Variants in PCDHGB3 observed in about 807,000 individuals in gnomAD.
PCDHGB3 encodes protocadherin gamma-B3.
Under a neutral mutation model 59.2 loss-of-function variants are expected in PCDHGB3, and 40 were observed. The ratio of observed to expected loss-of-function variants is 0.68; its 90% CI spans 0.52 to 0.88. The LOEUF is 0.88. Ranked by LOEUF, PCDHGB3 falls within the 40% of genes least tolerant of loss-of-function variation. The pLI, the probability that PCDHGB3 is intolerant of heterozygous loss-of-function variation, is 0.00. For missense variants in PCDHGB3, 1,309 were observed against 1,187.9 expected (o/e 1.10, Z -1.50); for synonymous variants, 581 against 503.6 (o/e 1.15, Z -2.06).
chr5:141,508,799 C>T (rs962590711), intron 3 of PCDHGB3, among the ~76,000 whole-genome samples: 1 of 152,110 alleles, frequency 6.6e-6, no homozygotes, highest in Non-Finnish European at 1.5e-5. Context: ...ACTCTGGAAT[C>T]CTGGCTCTTT....
At chr5:141,394,376 C>G (rs1407081878) in intron 1 of PCDHGB3, 29 of 1,614,222 alleles carry the variant, frequency 1.8e-5, no homozygotes, top group Non-Finnish European at 2.5e-5. Flanking sequence ...AATCTTTCGA[C>G]TATGAGCAGA....
chr5:141,458,059 T>G (rs533147047), intron 1 of PCDHGB3, among the ~76,000 whole-genome samples: 39 of 152,358 alleles, frequency 2.6e-4, no homozygotes, highest in African/African-American at 8.9e-4. Context: ...CTTGCTGCAC[T>G]GATGCGAACA....
At chr5:141,394,327 T>C (rs747533347) in intron 1 of PCDHGB3, 1 of 1,613,944 alleles carries the variant, frequency 6.2e-7, no homozygotes. Context: ...TCCTCGTATA[T>C]CTCCATCAAC....
At chr5:141,376,521 C>T (rs567480751) in intron 1 of PCDHGB3, 5 of 1,613,810 alleles carry the variant, frequency 3.1e-6, no homozygotes, top group East Asian at 4.5e-5. Context: ...AGTTTCTTTC[C>T]GCCTAAGCGG....
rs372168887 is a variant in PCDHGB3, at chr5:141,477,322, C to T, written c.2416-17485C>T. On this transcript the variant is annotated intron_variant, in intron 1 of 3. Transcript: ENST00000576222. The surrounding 1 kb of genome is among the most constrained non-coding windows in gnomAD (Gnocchi z 4.9). The stretch of plus-strand genomic sequence containing the variant: ...GTCTCCCTTTCAGCCTTACTTCTTC[C>T]CTCAAGAATTACTTCACTTTGAAAA... 17 of 1,614,050 alleles carry T rather than the reference C, an allele frequency of 1.1e-5. No homozygotes were observed. In the African/African-American group the frequency reaches 1.5e-4, roughly 14 times the overall value.
At chr5:141,408,896 G>A (rs1441378199) in intron 1 of PCDHGB3, 5 of 1,613,328 alleles carry the variant, frequency 3.1e-6, no homozygotes, top group East Asian at 2.2e-5. Flanking sequence ...AGAAATTTCT[G>A]TCAAGGATAC....
rs767521224 is a variant in PCDHGB3 at position 141,431,148 on chromosome 5, C to T, written c.2415+58339C>T. 3.7e-6 allele frequency: 6 copies of T among 1,614,146 alleles called. No homozygotes were observed. Among genetic ancestry groups the T allele is most frequent in the Admixed American group, 1.7e-5 (1 of 60,030 alleles). On this transcript the variant is annotated intron_variant, in intron 1 of 3. Coordinates refer to ENST00000576222, the MANE Select transcript of PCDHGB3 (RefSeq NM_018924.5). The surrounding 1 kb of genome is among the most constrained non-coding windows in gnomAD (Gnocchi z 4.8). Reference sequence around the variant, plus strand: ...GAAGTAAGGGACATTAACGACAATGCGCCTTACTTTCGTGAAAGTGAATTA... The same window carrying T: ...GAAGTAAGGGACATTAACGACAATGTGCCTTACTTTCGTGAAAGTGAATTA...
intron 1 of PCDHGB3, chr5:141,375,919 C>T: frequency 1.2e-6 from 2 of 1,613,730 alleles, no homozygotes; most frequent in East Asian, 2.2e-5. Context: ...TCAAGGCCAG[C>T]GAGCCAGGAC....
chr5:141,427,887 C>G, intron 1 of PCDHGB3: 1 of 1,565,908 alleles, frequency 6.4e-7, no homozygotes, highest in South Asian at 1.1e-5. Flanking sequence ...GGCCCACGAC[C>G]AGGGCTCGCC....
chr5:141,485,338 T>C lies in PCDHGB3; in HGVS notation c.2416-9469T>C, dbSNP rs1259658641. The stretch of plus-strand genomic sequence containing the variant: ...ATGTCGCTCAAGATTTCCTGCTGGA[T>C]ACGGACAGTCTGTCAGCTCGCAGGC... On this transcript the variant is annotated intron_variant, in intron 1 of 3. Coordinates refer to ENST00000576222, the MANE Select transcript of PCDHGB3 (RefSeq NM_018924.5). The surrounding 1 kb of genome is among the most constrained non-coding windows in gnomAD (Gnocchi z 5.7). 1 of 1,614,140 alleles carries C rather than the reference T, an allele frequency of 6.2e-7. No individual in the cohort carries two copies. Among genetic ancestry groups the C allele is most frequent in the Non-Finnish European group, 8.5e-7 (1 of 1,180,006 alleles).
At chr5:141,414,520 A>G in intron 1 of PCDHGB3, 1 of 1,613,990 alleles carries the variant, frequency 6.2e-7, no homozygotes, top group Non-Finnish European at 8.5e-7. Flanking sequence ...AGTGGCAGAT[A>G]TCAATGACAA....
At chr5:141,393,800 GA>G (rs1403705962) in intron 1 of PCDHGB3, 2 of 1,613,842 alleles carry the variant, frequency 1.2e-6, no homozygotes, top group Non-Finnish European at 1.7e-6. Flanking sequence ...CACTTCTGGG[GA>G]GGACCAAATT....
intron 1 of PCDHGB3, chr5:141,402,902 G>GA: frequency 6.6e-7 from 1 of 1,522,022 alleles, no homozygotes; most frequent in Non-Finnish European, 8.8e-7. Flanking sequence ...AGAACCTGAT[G>GA]AAGCAGCGCG....
intron 1 of PCDHGB3, chr5:141,394,707 C>T (rs1325466311): frequency 1.2e-6 from 2 of 1,613,272 alleles, no homozygotes; most frequent in Non-Finnish European, 1.7e-6. Context: ...GGCGCGAGCC[C>T]TGCTGGACAG....
At chr5:141,423,120 G>A in intron 1 of PCDHGB3, 1 of 1,613,800 alleles carries the variant, frequency 6.2e-7, no homozygotes. Flanking sequence ...GTACAGCGCG[G>A]GCACTGCTGG....
chr5:141,467,952 C>A (rs1341210155), intron 1 of PCDHGB3, among the ~76,000 whole-genome samples: 1 of 152,186 alleles, frequency 6.6e-6, no homozygotes, highest in Non-Finnish European at 1.5e-5. Flanking sequence ...AGCCACCACA[C>A]CCGGCTGCCA....
intron 1 of PCDHGB3, among the ~76,000 whole-genome samples, chr5:141,455,749 C>A (rs2098830563): frequency 6.6e-6 from 1 of 152,086 alleles, no homozygotes; most frequent in Non-Finnish European, 1.5e-5. Context: ...AGGTTGCTGG[C>A]CTGGCTCCTA....
At chr5:141,422,907 G>A in intron 1 of PCDHGB3, 1 of 1,614,196 alleles carries the variant, frequency 6.2e-7, no homozygotes, top group Non-Finnish European at 8.5e-7. Context: ...ACGACAATGC[G>A]CCCGAGATCC....
At chr5:141,465,831 T>A (rs997004387) in intron 1 of PCDHGB3, among the ~76,000 whole-genome samples, 1 of 151,980 alleles carries the variant, frequency 6.6e-6, no homozygotes, top group African/African-American at 2.4e-5. Context: ...TTGTTTAAAA[T>A]TTCAACTGAG....
Sources: gnomAD v4.1 joint callset for allele counts (sites outside exome capture counted in the v4.1 genomes callset) on GRCh38, gnomAD v4.1.1 for gene constraint, Gnocchi (gnomAD v3.1) non-coding constraint, MANE v1.5 for transcripts, NCBI Gene and HGNC (gene_info 2026-07-23, HGNC 2026-07-21) for gene names.